Variants in ATRNL1 observed in about 807,000 individuals in gnomAD.
ATRNL1 encodes attractin-like protein 1.
Under a neutral mutation model 182.7 loss-of-function variants are expected in ATRNL1, and 95 were observed. The ratio of observed to expected loss-of-function variants is 0.52; its 90% CI spans 0.44 to 0.62. The LOEUF (loss-of-function observed/expected upper bound fraction) is 0.62, where lower values mean the gene tolerates loss of function less well. Ranked by LOEUF, ATRNL1 falls within the 20% of genes least tolerant of loss-of-function variation. ATRNL1 has a pLI of 0.00. For synonymous variants in ATRNL1, 576 were observed against 568.3 expected, an observed-to-expected ratio of 1.01 and a Z score of -0.19; for missense variants, 1,471 against 1,679.5, an observed-to-expected ratio of 0.88 and a Z score of 2.17.
At chr10:115,937,113 T>G (rs1555123039) in intron 28 of ATRNL1, among the ~76,000 whole-genome samples, 1 of 152,190 alleles carries the variant, frequency 6.6e-6, no homozygotes, top group Non-Finnish European at 1.5e-5. Context: ...TTCTACCCAA[T>G]GAGAGAACAA....
At chr10:115,253,613 T>C (rs565381985) in intron 10 of ATRNL1, among the ~76,000 whole-genome samples, 1 of 152,146 alleles carries the variant, frequency 6.6e-6, no homozygotes, top group Non-Finnish European at 1.5e-5. Context: ...TTTATTATTA[T>C]TATGCTTTAA....
chr10:115,636,023 A>G (rs74161617), intron 26 of ATRNL1, among the ~76,000 whole-genome samples: 1,673 of 152,256 alleles, frequency 0.011, 30 homozygotes, highest in African/African-American at 0.038. Flanking sequence ...GAATATGAGG[A>G]GGGCTTTTGG....
chr10:115,749,158 C>T (rs1261331705), intron 27 of ATRNL1, among the ~76,000 whole-genome samples: 1 of 151,832 alleles, frequency 6.6e-6, no homozygotes, highest in East Asian at 1.9e-4. Context: ...ATCAGGGCAA[C>T]TTTGTTAAAT....
chr10:115,281,044 A>G (rs1554916628), intron 13 of ATRNL1, among the ~76,000 whole-genome samples: 1 of 152,182 alleles, frequency 6.6e-6, no homozygotes, highest in African/African-American at 2.4e-5. Flanking sequence ...GTCCATTGAA[A>G]CATATGCCTC....
chr10:115,786,562 T>C (rs1446065444), intron 27 of ATRNL1, among the ~76,000 whole-genome samples: 4 of 152,156 alleles, frequency 2.6e-5, no homozygotes, highest in Admixed American at 2.6e-4. Flanking sequence ...ATGGCCTTCT[T>C]AGAAGGATAC....
At chr10:115,317,907 C>T (rs1554930192) in intron 18 of ATRNL1, among the ~76,000 whole-genome samples, 1 of 152,162 alleles carries the variant, frequency 6.6e-6, no homozygotes, top group East Asian at 1.9e-4. Context: ...TACCTGATAG[C>T]CCTTGCCAGA....
At chr10:115,552,992 CTGAAA>C (rs1332712469) in intron 26 of ATRNL1, among the ~76,000 whole-genome samples, 2 of 151,274 alleles carry the variant, frequency 1.3e-5, no homozygotes, top group East Asian at 3.9e-4. Context: ...CATCACATTA[CTGAAA>C]TATTTGTCAG....
At chr10:115,340,508 T>C (rs548366454) in intron 19 of ATRNL1, among the ~76,000 whole-genome samples, 32 of 147,640 alleles carry the variant, frequency 2.2e-4, no homozygotes, top group African/African-American at 6.5e-4. Flanking sequence ...TGTGTCTTTG[T>C]CTGGTTTTAA....
chr10:115,255,454 A>G (rs1233904585), intron 10 of ATRNL1, among the ~76,000 whole-genome samples: 7 of 152,182 alleles, frequency 4.6e-5, no homozygotes, highest in African/African-American at 1.7e-4. Flanking sequence ...TTAATGGTGT[A>G]TAGGAATGTT....
At chr10:115,341,781 A>G (rs1341856805) in intron 19 of ATRNL1, among the ~76,000 whole-genome samples, 2 of 151,900 alleles carry the variant, frequency 1.3e-5, no homozygotes, top group East Asian at 3.9e-4. Flanking sequence ...TTCTTTGTCT[A>G]TTCTTTTGTT....
chr10:115,583,754 T>C lies in ATRNL1; in HGVS notation c.3795+34218T>C, dbSNP rs112276082. Among the ~76,000 whole-genome samples, 55 of 150,646 alleles carry C rather than the reference T, an allele frequency of 3.7e-4. No individual in the cohort carries two copies. The Middle Eastern group carries it at 0.01, about 28-fold the overall frequency. On this transcript the variant is annotated intron_variant, in intron 26 of 28. Transcript: ENST00000355044. ...GAATACCCTTTATTTCCTTCTCCTG[T>C]CTAATTGCCCTGGCCAGAACTTCCA...
intron 8 of ATRNL1, among the ~76,000 whole-genome samples, chr10:115,207,446 T>G (rs1848843936): frequency 6.6e-6 from 1 of 152,120 alleles, no homozygotes; most frequent in Non-Finnish European, 1.5e-5. Flanking sequence ...CCAGTGAGGA[T>G]AAACATTTTT....
At chr10:115,205,793 A>T (rs1258503742) in intron 8 of ATRNL1, among the ~76,000 whole-genome samples, 1 of 152,008 alleles carries the variant, frequency 6.6e-6, no homozygotes, top group Non-Finnish European at 1.5e-5. Context: ...TGTATATTTC[A>T]TCTACAAACA....
chr10:115,887,949 C>T (rs115454755), intron 28 of ATRNL1, among the ~76,000 whole-genome samples: 1,600 of 152,174 alleles, frequency 0.011, 18 homozygotes, highest in African/African-American at 0.036. Context: ...TTATTTTCCA[C>T]AGTAAGTTGT....
chr10:115,232,889 A>G (rs539920292), intron 9 of ATRNL1, among the ~76,000 whole-genome samples: 6 of 152,286 alleles, frequency 3.9e-5, no homozygotes, highest in South Asian at 2.1e-4. Context: ...ATAATAAACT[A>G]TCATAGACTT....
chr10:115,488,360 T>C (rs1215679295), intron 24 of ATRNL1, among the ~76,000 whole-genome samples: 1 of 152,184 alleles, frequency 6.6e-6, no homozygotes, highest in African/African-American at 2.4e-5. Context: ...GTGGACTTTT[T>C]TTGGTTGGTA....
chr10:115,180,409 T>C lies in ATRNL1; in HGVS notation c.1348+9117T>C, dbSNP rs145565475. Among the ~76,000 whole-genome samples the C allele has an allele frequency of 7.5e-3, 1,148 of 152,096 alleles. 22 individuals are homozygous for C. Among genetic ancestry groups the C allele is most frequent in the African/African-American group, 0.026 (1,094 of 41,548 alleles). On this transcript the variant is annotated intron_variant, in intron 8 of 28. Coordinates refer to ENST00000355044, the MANE Select transcript of ATRNL1 (RefSeq NM_207303.4). ...TCCATGTCATTATATATTGCTGCAG[T>C]TAACTTCTTTATATTTCTGTATTTT...
chr10:115,737,280 C>CAAA (rs200186852), intron 27 of ATRNL1, among the ~76,000 whole-genome samples: 31 of 147,770 alleles, frequency 2.1e-4, no homozygotes, highest in African/African-American at 7.1e-4. Context: ...CCCCCCCCCC[C>CAAA]AAAAAAAAAG....
At chr10:115,689,387 T>A (rs1248944946) in intron 26 of ATRNL1, among the ~76,000 whole-genome samples, 1 of 152,236 alleles carries the variant, frequency 6.6e-6, no homozygotes, top group Non-Finnish European at 1.5e-5. Context: ...CATTTATTGC[T>A]AAAAACTTGC....
Sources: gnomAD v4.1 joint callset for allele counts (sites outside exome capture counted in the v4.1 genomes callset) on GRCh38, gnomAD v4.1.1 for gene constraint, MANE v1.5 for transcripts, NCBI Gene and HGNC (gene_info 2026-07-23, HGNC 2026-07-21) for gene names.